FRMD4B: variants seen among roughly 807,000 people sequenced by gnomAD.
The protein encoded by FRMD4B is FERM domain containing 4B, also known as FERM domain-containing protein 4B.
A neutral mutation model predicts 141.5 loss-of-function variants in FRMD4B; 74 were observed. The ratio of observed to expected loss-of-function variants is 0.52; its 90% CI spans 0.43 to 0.63. The LOEUF is 0.63. Among genes scored for constraint, FRMD4B ranks in the 30% least tolerant of loss-of-function variants. The probability of loss-of-function intolerance (pLI) is 0.00; values close to 1 mark genes in which losing one functional copy is unlikely to be tolerated. For synonymous variants in FRMD4B, 506 were observed against 467.9 expected (o/e 1.08, Z -1.05); for missense variants, 1,366 against 1,253.4 (o/e 1.09, Z -1.36).
chr3:69,278,353 C>T (rs958637715), intron 5 of FRMD4B, among the ~76,000 whole-genome samples: 4 of 152,146 alleles, frequency 2.6e-5, no homozygotes, highest in Non-Finnish European at 4.4e-5. Flanking sequence ...GGTGGGAGTG[C>T]GGTGGCATGA....
At chr3:69,505,240 T>A (rs1706577249) in intron 1 of FRMD4B, among the ~76,000 whole-genome samples, 1 of 152,050 alleles carries the variant, frequency 6.6e-6, no homozygotes, top group South Asian at 2.1e-4. Flanking sequence ...AAGCTGGGCA[T>A]GGTAGCACAT....
rs1195440894 is a variant in FRMD4B, at chr3:69,176,645, T to G, written c.2863A>C (p.Asn955His). Residue 955 changes from asparagine to histidine, a missense_variant, in exon 22 of 23, where the codon AAT (asparagine) becomes CAT (histidine). Asn to His is a moderately conservative substitution (Grantham distance 68). Transcript: ENST00000398540. ...TGGGTCCTCCAGTTCCCAGAAGCAT[T>G]TGTAGAAGACACTGGAAATAAAAAT... ...ASSYSSVSSTNASGNWRTQLT... is the reference protein window; with the variant it reads ...ASSYSSVSSTHASGNWRTQLT... The G allele has an allele frequency of 6.2e-7, 1 of 1,601,710 alleles. No individual in the cohort carries two copies.
intron 1 of FRMD4B, among the ~76,000 whole-genome samples, chr3:69,319,264 T>C (rs1701913158): frequency 6.6e-6 from 1 of 152,204 alleles, no homozygotes; most frequent in South Asian, 2.1e-4. Context: ...TACTTGACCT[T>C]TCTGAGCCTT....
chr3:69,257,315 GT>G (rs2093498853), intron 5 of FRMD4B, among the ~76,000 whole-genome samples: 1 of 152,190 alleles, frequency 6.6e-6, no homozygotes, highest in Non-Finnish European at 1.5e-5. Flanking sequence ...TACTTCCAGT[GT>G]GTTGTTGAGA....
intron 2 of FRMD4B, among the ~76,000 whole-genome samples, chr3:69,397,329 G>A (rs921007741): frequency 3.3e-5 from 5 of 152,046 alleles, no homozygotes; most frequent in African/African-American, 4.8e-5. Flanking sequence ...GTGAGGTGTC[G>A]TGAATAGGGT....
chr3:69,390,628 C>A (rs1387872665), upstream of FRMD4B, among the ~76,000 whole-genome samples: 1 of 152,120 alleles, frequency 6.6e-6, no homozygotes, highest in Non-Finnish European at 1.5e-5. Context: ...CACGGTGGCT[C>A]ATGCCTGTAA....
At chr3:69,456,702 A>G (rs1440654911) in intron 1 of FRMD4B, among the ~76,000 whole-genome samples, 3 of 151,712 alleles carry the variant, frequency 2.0e-5, no homozygotes, top group East Asian at 3.9e-4. Context: ...AATACATACA[A>G]GACAGTTTAC....
rs1703707085 is a variant in FRMD4B at position 69,367,659 on chromosome 3, C to A, written c.162+18169G>T. Among the ~76,000 whole-genome samples the A allele has an allele frequency of 2.0e-5, 3 of 152,142 alleles. No homozygotes were observed. The South Asian group carries it at 6.2e-4, about 31-fold the overall frequency. On this transcript the variant is annotated intron_variant, in intron 1 of 22. Coordinates refer to ENST00000398540, the MANE Select transcript of FRMD4B (RefSeq NM_015123.3). The stretch of plus-strand genomic sequence containing the variant: ...CAATTATCTGAGCCAATTTTCAACT[C>A]CATTCTCTCTCCTGATCTCATAGAA...
chr3:69,333,359 G>T (rs890238729), intron 1 of FRMD4B, among the ~76,000 whole-genome samples: 5 of 152,192 alleles, frequency 3.3e-5, no homozygotes, highest in African/African-American at 1.2e-4. Context: ...ACAAGAAAAG[G>T]GAATCCCGTG....
intron 1 of FRMD4B, among the ~76,000 whole-genome samples, chr3:69,444,257 A>C (rs1370502910): frequency 6.6e-6 from 1 of 152,194 alleles, no homozygotes; most frequent in Non-Finnish European, 1.5e-5. Flanking sequence ...GTTTACTGCA[A>C]TAATGCTGTC....
intron 1 of FRMD4B, among the ~76,000 whole-genome samples, chr3:69,365,598 A>C (rs1004132311): frequency 6.6e-5 from 10 of 151,446 alleles, no homozygotes; most frequent in African/African-American, 9.8e-5. Flanking sequence ...TGCCTCCCGA[A>C]TCAAGCAATT....
chr3:69,209,048 G>A (rs1179399081), intron 11 of FRMD4B, among the ~76,000 whole-genome samples: 3 of 151,990 alleles, frequency 2.0e-5, no homozygotes, highest in East Asian at 3.9e-4. Context: ...GGAGGGTGAG[G>A]CAGAAGAATG....
intron 1 of FRMD4B, among the ~76,000 whole-genome samples, chr3:69,501,354 C>G (rs1265759540): frequency 6.6e-6 from 1 of 151,070 alleles, no homozygotes; most frequent in South Asian, 2.1e-4. Flanking sequence ...TGGTATATGG[C>G]ATATATGTAT....
At chr3:69,193,367 G>A (rs962522962) in intron 17 of FRMD4B, among the ~76,000 whole-genome samples, 12 of 152,142 alleles carry the variant, frequency 7.9e-5, no homozygotes, top group Admixed American at 2.0e-4. Context: ...AATTAGCTAG[G>A]TGTGGTGGCG....
chr3:69,193,814 A>G lies in FRMD4B; in HGVS notation c.1548T>C (p.Ala516=). 1 of 1,613,778 alleles carries G rather than the reference A, an allele frequency of 6.2e-7. No homozygotes were observed. The highest frequency in any genetic ancestry group is 8.5e-7 in the Non-Finnish European group (1 of 1,179,732). The change falls in exon 17 of 23, where the codon GCT becomes GCC. Residue 516 remains alanine (A), a synonymous_variant. Transcript: ENST00000398540. ...CTGGCTCATTGGCAAGTTTCTTTGC[A>G]GCTTCCACCAGCTTTTGTTGTATTA... ...NFLIQQKLVE[A]AKKLANEPDL... is the part of the protein sequence containing the mutation.
rs550505038 is a variant in FRMD4B, at chr3:69,476,400, C to A, written c.-128-43639G>T. On this transcript the variant is annotated intron_variant, in intron 1 of 5. Coordinates refer to the FRMD4B transcript ENST00000459638. Reference sequence around the variant, plus strand: ...TTTTTATAAGGTGTAAGCAAGGGATCCAGTTTCAGCTTTCTACATATGGCT... The same window carrying A: ...TTTTTATAAGGTGTAAGCAAGGGATACAGTTTCAGCTTTCTACATATGGCT... Among the ~76,000 whole-genome samples the A allele has an allele frequency of 2.7e-3, 418 of 152,232 alleles. 1 individual carries two copies. Among genetic ancestry groups the A allele is most frequent in the African/African-American group, 9.4e-3 (390 of 41,524 alleles).
At chr3:69,225,093 T>A (rs924446705) in intron 7 of FRMD4B, among the ~76,000 whole-genome samples, 5 of 152,160 alleles carry the variant, frequency 3.3e-5, no homozygotes, top group Non-Finnish European at 7.4e-5. Context: ...ACATCAACAA[T>A]TTTTCGTAAT....
At chr3:69,281,388 C>T (rs192819368) in intron 5 of FRMD4B, among the ~76,000 whole-genome samples, 3 of 152,202 alleles carry the variant, frequency 2.0e-5, no homozygotes, top group African/African-American at 7.2e-5. Flanking sequence ...TAGGTGTTTT[C>T]ATGTGTTTCC....
chr3:69,172,052 A>G (rs1285686994), intron 22 of FRMD4B, 71 bp from the exon 23 acceptor site: 9 of 1,453,702 alleles, frequency 6.2e-6, no homozygotes, highest in Non-Finnish European at 7.7e-6. Context: ...AGACTACTAC[A>G]TTTAAAGAAG....
Sources: gnomAD v4.1 joint callset for allele counts (sites outside exome capture counted in the v4.1 genomes callset) on GRCh38, gnomAD v4.1.1 for gene constraint, MANE v1.5 for transcripts, NCBI Gene and HGNC (gene_info 2026-07-23, HGNC 2026-07-21) for gene names.